The following CEP350 variants were observed in gnomAD, a reference collection of about 807,000 sequenced individuals.
CEP350 encodes centrosomal protein 350.
In CEP350, 126 loss-of-function variants were observed where a neutral mutation model predicts 331.8. That is an observed-to-expected ratio of 0.38 (90% CI 0.33 to 0.44). The LOEUF (loss-of-function observed/expected upper bound fraction) is 0.44, where lower values mean the gene tolerates loss of function less well. CEP350 is among the 20% of genes least tolerant of loss of function. CEP350 has a pLI of 1.00. For missense variants in CEP350, 3,406 were observed against 3,634.6 expected (o/e 0.94, Z 1.62); for synonymous variants, 1,200 against 1,259.5 (o/e 0.95, Z 1.00).
At chr1:179,966,414 T>C (rs1651017086) in intron 1 of CEP350, among the ~76,000 whole-genome samples, 1 of 152,182 alleles carries the variant, frequency 6.6e-6, no homozygotes, top group African/African-American at 2.4e-5. Context: ...AAGCATTTGC[T>C]GCTTCTGAGG....
At chr1:180,041,845 T>C in intron 19 of CEP350, 43 bp downstream of exon 19, 2 of 1,561,120 alleles carry the variant, frequency 1.3e-6, no homozygotes, top group Non-Finnish European at 1.7e-6. Flanking sequence ...TTCTTTTTAG[T>C]CAATCTGAGT....
At chr1:180,097,114 G>A (rs1250219387) in intron 36 of CEP350, among the ~76,000 whole-genome samples, 2 of 152,222 alleles carry the variant, frequency 1.3e-5, no homozygotes, top group Non-Finnish European at 2.9e-5. Context: ...AGATATTTAT[G>A]AGATGGGATG....
At chr1:180,043,315 G>C in intron 20 of CEP350, 123 bp downstream of exon 20, 1 of 1,153,288 alleles carries the variant, frequency 8.7e-7, no homozygotes. Flanking sequence ...ACAGTTATGG[G>C]CATAGTCTAG....
rs758029629 is a variant in CEP350, at chr1:180,006,551, T to C, written c.1230T>C (p.Ser410=). ...TCCAAAAAGTAGCACAGTTATCAAG[T>C]ACAGAATGCAGAACAGGTTAGTTTT... ...RKVQKVAQLS[S]TECRTGSSHL... The change falls in exon 8 of 38, where the codon AGT becomes AGC. Residue 410 remains serine (S), a synonymous_variant. Coordinates refer to ENST00000367607, the MANE Select transcript of CEP350 (RefSeq NM_014810.5). 2 of 1,519,224 alleles carry C rather than the reference T, an allele frequency of 1.3e-6. No homozygotes were observed. The highest frequency in any genetic ancestry group is 1.2e-5 in the South Asian group (1 of 83,488). The allele number at this position is 1,519,224 out of a possible 1,614,324, so 94.1% of individuals were successfully genotyped here.
chr1:179,996,003 T>A (rs1239090305), intron 5 of CEP350, among the ~76,000 whole-genome samples: 1 of 152,220 alleles, frequency 6.6e-6, no homozygotes, highest in African/African-American at 2.4e-5. Context: ...AAATAACACG[T>A]TTTATTGACA....
chr1:180,065,209 C>G lies in CEP350; in HGVS notation c.5504C>G (p.Ser1835Cys). Residue 1835 changes from serine to cysteine, a missense_variant, in exon 27 of 38, where the codon TCC becomes TGC. Ser to Cys is a moderately radical substitution (Grantham distance 112). This residue lies in a region of CEP350 where 1,415 missense variants were observed against 1,512.3 expected (regional missense o/e 0.94). Coordinates refer to ENST00000367607, the MANE Select transcript of CEP350 (RefSeq NM_014810.5). ...CGCAGTCCTTCTCCCATTTCAATCT[C>G]CAGCAGTGAAACTAGCAGCATTATG... Reference protein sequence around the residue: ...ETRSPSPISISSSETSSIMQK... With the variant: ...ETRSPSPISICSSETSSIMQK... 2.5e-6 allele frequency: 4 copies of G among 1,613,810 alleles called. No homozygotes were observed. The highest frequency in any genetic ancestry group is 3.4e-6 in the Non-Finnish European group (4 of 1,179,816).
chr1:179,987,294 GT>G lies in CEP350; in HGVS notation c.120+12del. ...TCTCAAACCAAGGCTGCTGTAAGTA[GT>G]TTTAGCTTCCATTTATTTATTTCTG... On this transcript the variant is annotated intron_variant, in intron 3 of 37. Coordinates refer to ENST00000367607, the MANE Select transcript of CEP350 (RefSeq NM_014810.5). 6.7e-7 allele frequency: 1 copy of G among 1,492,600 alleles called. No homozygotes were observed. The highest frequency in any genetic ancestry group is 2.3e-5 in the East Asian group (1 of 43,678). The allele number at this position is 1,492,600 out of a possible 1,614,324, so 92.5% of individuals were successfully genotyped here. A position where few individuals can be genotyped will look rare whatever the true frequency, so the allele number is the denominator to read the frequency against.
At chr1:180,023,939 CAT>C (rs1162072755) in intron 13 of CEP350, among the ~76,000 whole-genome samples, 1 of 151,718 alleles carries the variant, frequency 6.6e-6, no homozygotes, top group Non-Finnish European at 1.5e-5. Context: ...TGAGAAAAAG[CAT>C]AGTTTTAAGT....
chr1:180,026,990 A>G (rs1327270710), intron 14 of CEP350, among the ~76,000 whole-genome samples: 1 of 152,244 alleles, frequency 6.6e-6, no homozygotes. Context: ...TTGCTAGATC[A>G]AATGGTAATG....
chr1:180,035,732 CTT>C (rs1656306591), intron 16 of CEP350, among the ~76,000 whole-genome samples: 1 of 152,014 alleles, frequency 6.6e-6, no homozygotes, highest in Admixed American at 6.6e-5. Flanking sequence ...TTTATTCCTG[CTT>C]ATTGACAATG....
At chr1:180,030,812 AT>A (rs1354308892) in intron 14 of CEP350, among the ~76,000 whole-genome samples, 1 of 152,038 alleles carries the variant, frequency 6.6e-6, no homozygotes, top group Non-Finnish European at 1.5e-5. Context: ...AACATGCATA[AT>A]TTTTGTTTCA....
In CEP350 at chr1:180,044,060, A is replaced by G. The variant is rs756710483; in HGVS notation, c.4509A>G (p.Pro1503=). 1.6e-5 allele frequency: 24 copies of G among 1,535,936 alleles called. No homozygotes were observed. Among genetic ancestry groups the G allele is most frequent in the Admixed American group, 6.4e-5 (3 of 46,846 alleles). Reference sequence around the variant, plus strand: ...TTTATTTTATTTGTAGGAAAAGTCCATCTGTTTCACTCTCTCAGAGTAAAG... The same window carrying G: ...TTTATTTTATTTGTAGGAAAAGTCCGTCTGTTTCACTCTCTCAGAGTAAAG... ...RTRTETDRKS[P]SVSLSQSKEG... Residue 1503 remains proline (P), a synonymous_variant, in exon 21 of 38, where the codon CCA becomes CCG. Coordinates refer to ENST00000367607, the MANE Select transcript of CEP350 (RefSeq NM_014810.5).
intron 17 of CEP350, among the ~76,000 whole-genome samples, chr1:180,039,764 A>G (rs1656632028): frequency 6.6e-6 from 1 of 151,860 alleles, no homozygotes; most frequent in Non-Finnish European, 1.5e-5. Context: ...ATTTCCGTGT[A>G]ACTTTTAGAA....
intron 17 of CEP350, among the ~76,000 whole-genome samples, chr1:180,038,218 A>G (rs970986451): frequency 1.3e-5 from 2 of 152,132 alleles, no homozygotes; most frequent in Non-Finnish European, 2.9e-5. Flanking sequence ...TTGTTTTATC[A>G]GTAGTTTTTT....
At chr1:180,097,315 TAC>T (rs1317090540) in intron 36 of CEP350, among the ~76,000 whole-genome samples, 1 of 152,244 alleles carries the variant, frequency 6.6e-6, no homozygotes, top group Non-Finnish European at 1.5e-5. Context: ...CTAAAATATT[TAC>T]AGTCTGATTT....
intron 1 of CEP350, among the ~76,000 whole-genome samples, chr1:179,969,682 G>A (rs1369172712): frequency 6.6e-6 from 1 of 152,136 alleles, no homozygotes; most frequent in Non-Finnish European, 1.5e-5. Flanking sequence ...AGCTGGGTGT[G>A]GTGGTGTGTG....
At chr1:180,100,633 C>T (rs1206593250) in intron 37 of CEP350, among the ~76,000 whole-genome samples, 1 of 152,160 alleles carries the variant, frequency 6.6e-6, no homozygotes, top group African/African-American at 2.4e-5. Flanking sequence ...ATATCGTTTA[C>T]ACACAAGTGT....
chr1:179,980,722 C>G (rs149206349), intron 1 of CEP350, among the ~76,000 whole-genome samples: 4 of 152,040 alleles, frequency 2.6e-5, no homozygotes, highest in Admixed American at 6.6e-5. Flanking sequence ...CTCTCTTTCT[C>G]TCTCTCTCCC....
chr1:180,042,132 T>TCTCA (rs1553258521), intron 19 of CEP350, among the ~76,000 whole-genome samples: 1,970 of 146,818 alleles, frequency 0.013, 38 homozygotes, highest in African/African-American at 0.035. Flanking sequence ...GAGTTTTCTC[T>TCTCA]CACACACACA....
Sources: gnomAD v4.1 joint callset for allele counts (sites outside exome capture counted in the v4.1 genomes callset) on GRCh38, gnomAD v4.1.1 for gene constraint, gnomAD v4.1.1 regional missense constraint, MANE v1.5 for transcripts, NCBI Gene and HGNC (gene_info 2026-07-23, HGNC 2026-07-21) for gene names.